The following FAM86B1 variants were observed in gnomAD, a reference collection of about 807,000 sequenced individuals.
The protein encoded by FAM86B1 is putative protein N-methyltransferase FAM86B1.
For synonymous variants in FAM86B1, 4 were observed against 137.6 expected (o/e 0.03, Z 6.79); for missense variants, 13 against 328.1 (o/e 0.04, Z 7.42).
chr8:12,186,221 C>T (rs2150708033), intron 5 of FAM86B1, 131 bp downstream of exon 5: 1 of 985,860 alleles, frequency 1.0e-6, no homozygotes, highest in African/African-American at 2.9e-5. Context: ...CCTGGAGGCC[C>T]AGAGTAACTC....
chr8:12,192,854 T>C, intron 1 of FAM86B1, among the ~76,000 whole-genome samples: 1 of 150,414 alleles, frequency 6.6e-6, no homozygotes, highest in Non-Finnish European at 1.5e-5. Flanking sequence ...GCATTTGTAC[T>C]CAACGCTGAG....
At position 12,186,266 on chromosome 8, in the gene FAM86B1, G is replaced by A. The variant is rs1585217200; in HGVS notation, c.640+86C>T. ...CCCCATCACATCCATGCCCGACAGTGTCCATTGTTCCCTTTTCCCAGAGCC... is the reference window on the plus strand; with the variant it reads ...CCCCATCACATCCATGCCCGACAGTATCCATTGTTCCCTTTTCCCAGAGCC... On this transcript the variant is annotated intron_variant, in intron 5 of 6. Transcript: ENST00000448228. 1.7e-5 allele frequency: 20 copies of A among 1,201,940 alleles called. 2 individuals are homozygous for A. The East Asian group carries it at 5.5e-4, about 33-fold the overall frequency. 74.5% of individuals were successfully genotyped at this position (1,201,940 alleles called of 1,614,324 possible).
In FAM86B1 at chr8:12,182,348, T is replaced by A. The variant is rs1805045832; in HGVS notation, c.*1258A>T. 4 of 485,586 alleles carry A rather than the reference T, an allele frequency of 8.2e-6. No homozygotes were observed. The highest frequency in any genetic ancestry group is 2.2e-5 in the African/African-American group (1 of 46,294). 30.1% of individuals were successfully genotyped at this position (485,586 alleles called of 1,614,324 possible). A position where few individuals can be genotyped will look rare whatever the true frequency, so the allele number is the denominator to read the frequency against. On this transcript the variant is annotated 3_prime_UTR_variant, in exon 7 of 7. Transcript: ENST00000448228. ...CTCCAGGGCACCAAGTGTGGGAAAGTGGGACATACGGGGAAGTTTCCAGAA... is the reference window on the plus strand; with the variant it reads ...CTCCAGGGCACCAAGTGTGGGAAAGAGGGACATACGGGGAAGTTTCCAGAA...
rs2150768141 is a variant in FAM86B1 at position 12,194,052 on chromosome 8, C to CGT, written c.17_18dup (p.Ala7ThrfsTer29). ...CCCTGCAGCAAGAGTTCGGTCCCCG[C>CGT]GTTCTCCTCGGGCGCCATAACGTGG... On this transcript the variant is annotated frameshift_variant, in exon 1 of 7. Transcript: ENST00000448228. LOFTEE classifies it high-confidence loss of function. 1 of 1,366,210 alleles carries CGT rather than the reference C, an allele frequency of 7.3e-7. No individual in the cohort carries two copies. Among genetic ancestry groups the CGT allele is most frequent in the Admixed American group, 2.0e-5 (1 of 49,668 alleles). 84.6% of individuals were successfully genotyped at this position (1,366,210 alleles called of 1,614,324 possible). A position where few individuals can be genotyped will look rare whatever the true frequency, so the allele number is the denominator to read the frequency against.
At chr8:12,191,054 T>A (rs1806777291) in intron 2 of FAM86B1, among the ~76,000 whole-genome samples, 1 of 149,882 alleles carries the variant, frequency 6.7e-6, no homozygotes, top group Non-Finnish European at 1.5e-5. Context: ...TGTGGCTGCA[T>A]CTTTTCCACG....
At chr8:12,191,052 C>T (rs1806776465) in intron 2 of FAM86B1, among the ~76,000 whole-genome samples, 1 of 149,214 alleles carries the variant, frequency 6.7e-6, no homozygotes, top group African/African-American at 2.5e-5. Context: ...GCTGTGGCTG[C>T]ATCTTTTCCA....
intron 1 of FAM86B1, among the ~76,000 whole-genome samples, chr8:12,192,422 C>A (rs1349329495): frequency 1.8e-5 from 2 of 109,638 alleles, no homozygotes; most frequent in African/African-American, 9.8e-5. Context: ...TCCACTCCAG[C>A]CACACTGGCT....
At chr8:12,192,906 T>G (rs1196489209) in intron 1 of FAM86B1, among the ~76,000 whole-genome samples, 11 of 149,180 alleles carry the variant, frequency 7.4e-5, no homozygotes, top group Non-Finnish European at 1.2e-4. Flanking sequence ...CCCCATTTTA[T>G]TAATAAGAAA....
Position 12,186,188 on chromosome 8 carries a change from G to A in FAM86B1, c.640+164C>T. 7 of 569,016 alleles carry A rather than the reference G, an allele frequency of 1.2e-5. 1 individual carries two copies. The highest frequency in any genetic ancestry group is 1.5e-5 in the Non-Finnish European group (6 of 391,910). The allele number at this position is 569,016 out of a possible 1,614,324, so 35.2% of individuals were successfully genotyped here. The stretch of plus-strand genomic sequence containing the variant: ...TGTGGCTTGAAGGTCACCTTAAGAG[G>A]CACCCCTGTCCTTTGATGTCACCCT... On this transcript the variant is annotated intron_variant, in intron 5 of 6. Transcript: ENST00000448228.
At chr8:12,192,864 GAAC>G (rs1373078489) in intron 1 of FAM86B1, among the ~76,000 whole-genome samples, 2 of 150,224 alleles carry the variant, frequency 1.3e-5, no homozygotes, top group Non-Finnish European at 2.9e-5. Flanking sequence ...TCAACGCTGA[GAAC>G]AACCCTAAGA....
chr8:12,186,904 TC>T, intron 3 of FAM86B1, 71 bp from the exon 4 acceptor site: 1 of 470,078 alleles, frequency 2.1e-6, no homozygotes. Context: ...CAAGTAGCCA[TC>T]CACCACATGG....
In FAM86B1 at chr8:12,182,445, T is replaced by G; in HGVS notation, c.*1161A>C. The G allele has an allele frequency of 8.5e-7, 1 of 1,173,246 alleles. No homozygotes were observed. The highest frequency in any genetic ancestry group is 1.2e-6 in the Non-Finnish European group (1 of 840,782). The allele number at this position is 1,173,246 out of a possible 1,614,324, so 72.7% of individuals were successfully genotyped here. The stretch of plus-strand genomic sequence containing the variant: ...TCTCAAGTCCAAGTGAGGGGGGTTG[T>G]GAAGGGTCTCAAGTCCAAGTGAGGG... On this transcript the variant is annotated 3_prime_UTR_variant, in exon 7 of 7. Coordinates refer to ENST00000448228, the MANE Select transcript of FAM86B1 (RefSeq NM_001083537.4).
At chr8:12,193,059 T>C (rs1168454741) in intron 1 of FAM86B1, among the ~76,000 whole-genome samples, 1 of 143,988 alleles carries the variant, frequency 6.9e-6, no homozygotes, top group African/African-American at 2.8e-5. Flanking sequence ...TGGTCAAATG[T>C]GAGTGATAAT....
chr8:12,187,163 C>T (rs1411128289), intron 3 of FAM86B1, among the ~76,000 whole-genome samples: 1 of 27,696 alleles, frequency 3.6e-5, no homozygotes, highest in African/African-American at 7.6e-5. Context: ...ATTCAATATG[C>T]TATGTTTTTC....
chr8:12,194,606 C>A (rs1175506909), upstream of FAM86B1: 16 of 157,044 alleles, frequency 1.0e-4, no homozygotes, highest in Non-Finnish European at 1.8e-4. Flanking sequence ...TGCGCGGACT[C>A]TGGGAGGCGA....
rs573605887 is a variant in FAM86B1 at position 12,186,218 on chromosome 8, G to A, written c.640+134C>T. 44 of 923,372 alleles carry A rather than the reference G, an allele frequency of 4.8e-5. 11 individuals are homozygous for A. In the African/African-American group the frequency reaches 6.9e-4, roughly 14 times the overall value. The allele number at this position is 923,372 out of a possible 1,614,324, so 57.2% of individuals were successfully genotyped here. A position where few individuals can be genotyped will look rare whatever the true frequency, so the allele number is the denominator to read the frequency against. On this transcript the variant is annotated intron_variant, in intron 5 of 6. Coordinates refer to ENST00000448228, the MANE Select transcript of FAM86B1 (RefSeq NM_001083537.4). The stretch of plus-strand genomic sequence containing the variant: ...CCTGTCCTTTGATGTCACCCTGGAG[G>A]CCCAGAGTAACTCTTCTGGAAGCCC...
chr8:12,186,237 G>A lies in FAM86B1; in HGVS notation c.640+115C>T, dbSNP rs1322405901. 18 of 1,083,806 alleles carry A rather than the reference G, an allele frequency of 1.7e-5. 3 individuals carry two copies. Among genetic ancestry groups the A allele is most frequent in the African/African-American group, 1.0e-4 (4 of 39,030 alleles). The allele number at this position is 1,083,806 out of a possible 1,614,324, so 67.1% of individuals were successfully genotyped here. On this transcript the variant is annotated intron_variant, in intron 5 of 6. Coordinates refer to ENST00000448228, the MANE Select transcript of FAM86B1 (RefSeq NM_001083537.4). Reference sequence around the variant, plus strand: ...CTGGAGGCCCAGAGTAACTCTTCTGGAAGCCCCATCACATCCATGCCCGAC... The same window carrying A: ...CTGGAGGCCCAGAGTAACTCTTCTGAAAGCCCCATCACATCCATGCCCGAC...
intron 2 of FAM86B1, among the ~76,000 whole-genome samples, chr8:12,191,414 G>C (rs1157976562): frequency 7.3e-5 from 9 of 122,916 alleles, no homozygotes; most frequent in African/African-American, 3.0e-4. Context: ...GAAGAGACAG[G>C]AGTGGGCGGG....
rs76431111 is a variant in FAM86B1 at position 12,186,533 on chromosome 8, G to A, written c.459C>T (p.Ser153=). 0.034 allele frequency: 52,119 copies of A among 1,534,666 alleles called. 598 individuals carry two copies. Among genetic ancestry groups the A allele is most frequent in the African/African-American group, 0.32 (19,598 of 61,438 alleles). Residue 153 remains serine, a synonymous_variant, in exon 5 of 7, where the codon AGC becomes AGT. Coordinates refer to ENST00000448228, the MANE Select transcript of FAM86B1 (RefSeq NM_001083537.4). Reference sequence around the variant, plus strand: ...GCTCGAGGACCCGGCTGTGAGGGTCGCTGAAGATGTATGCCCGGGGGCGGC... The same window carrying A: ...GCTCGAGGACCCGGCTGTGAGGGTCACTGAAGATGTATGCCCGGGGGCGGC... ...KMCRPRAYIF[S]DPHSRVLEQL...
Sources: gnomAD v4.1 joint callset for allele counts (sites outside exome capture counted in the v4.1 genomes callset) on GRCh38, gnomAD v4.1.1 for gene constraint, MANE v1.5 for transcripts, NCBI Gene and HGNC (gene_info 2026-07-23, HGNC 2026-07-21) for gene names.